Variants in ITIH2 observed in about 807,000 individuals in gnomAD.
The protein encoded by ITIH2 is inter-alpha-trypsin inhibitor heavy chain 2.
ITIH2 carries 103 observed loss-of-function variants against 104.4 expected under a neutral mutation model. The ratio of observed to expected loss-of-function variants is 0.99; its 90% confidence interval spans 0.84 to 1.16. The LOEUF is 1.16. ITIH2 is among the 50% of genes most tolerant of loss of function. The pLI is 0.00. For synonymous variants in ITIH2, 436 were observed against 435.4 expected, an observed-to-expected ratio of 1.00 and a Z score of -0.02; for missense variants, 1,108 against 1,162.4, an observed-to-expected ratio of 0.95 and a Z score of 0.68.
At chr10:7,747,743 A>C (rs1365583099) in intron 20 of ITIH2, among the ~76,000 whole-genome samples, 1 of 152,072 alleles carries the variant, frequency 6.6e-6, no homozygotes, top group Non-Finnish European at 1.5e-5. Context: ...AATAAATATA[A>C]AAATAATTAT....
At chr10:7,710,618 T>C (rs1370977834) in intron 4 of ITIH2, among the ~76,000 whole-genome samples, 1 of 152,178 alleles carries the variant, frequency 6.6e-6, no homozygotes, top group African/African-American at 2.4e-5. Context: ...TGTGGATAAA[T>C]AGTAAAGGGT....
In ITIH2 at chr10:7,703,522, A is replaced by T. The variant is rs1222745862; in HGVS notation, c.84+4A>T. 1.3e-6 allele frequency: 2 copies of T among 1,581,820 alleles called. No individual in the cohort carries two copies. The highest frequency in any genetic ancestry group is 2.2e-5 in the East Asian group (1 of 44,724). On this transcript the variant is annotated splice_donor_region_variant and intron_variant, in intron 1 of 20. Coordinates refer to ENST00000358415, the MANE Select transcript of ITIH2 (RefSeq NM_002216.3). ...CCCCATAAATGGACTTTCTGAAGTAAGTACTTACAGATCACTCCTTGCTGT... is the reference window on the plus strand; with the variant it reads ...CCCCATAAATGGACTTTCTGAAGTATGTACTTACAGATCACTCCTTGCTGT...
Position 7,739,880 on chromosome 10 carries a change from C to T in ITIH2, c.2095+1122C>T, listed in dbSNP as rs140878387. On this transcript the variant is annotated intron_variant, in intron 16 of 20. Coordinates refer to ENST00000358415, the MANE Select transcript of ITIH2 (RefSeq NM_002216.3). ...TTCCAGCCTGGGTGACAGAGGGAGACCCTGTTTCAAAAAATAAAGTAGGGA... is the reference window on the plus strand; with the variant it reads ...TTCCAGCCTGGGTGACAGAGGGAGATCCTGTTTCAAAAAATAAAGTAGGGA... Among the ~76,000 whole-genome samples, 46 of 152,050 alleles carry T rather than the reference C, an allele frequency of 3.0e-4. No homozygotes were observed. In the East Asian group the frequency reaches 4.7e-3, roughly 15 times the overall value.
intron 6 of ITIH2, among the ~76,000 whole-genome samples, chr10:7,718,644 C>T (rs1311868781): frequency 1.3e-5 from 2 of 152,082 alleles, no homozygotes. Context: ...GAGCATAGTA[C>T]CTGATAGGTA....
chr10:7,723,393 C>A, intron 8 of ITIH2, 58 bp from the exon 9 acceptor site: 1 of 1,126,364 alleles, frequency 8.9e-7, no homozygotes, highest in Non-Finnish European at 1.4e-6. Flanking sequence ...AGGTCCCCAT[C>A]TTCCTACCTT....
chr10:7,717,800 T>A lies in ITIH2; in HGVS notation c.630+12T>A, dbSNP rs41290281. The stretch of plus-strand genomic sequence containing the variant: ...CCAAACACTTAGAGGTAAGCCTGGA[T>A]CTGTAGGGTGGGCAGTGACACTGTC... On this transcript the variant is annotated intron_variant, in intron 6 of 20. Transcript: ENST00000358415. The A allele has an allele frequency of 5.0e-4, 797 of 1,599,724 alleles. No homozygotes were observed. The highest frequency in any genetic ancestry group is 1.6e-3 in the Middle Eastern group (7 of 4,456).
At chr10:7,735,674 C>CTTTTTTTT (rs35122608) in intron 15 of ITIH2, among the ~76,000 whole-genome samples, 2 of 130,560 alleles carry the variant, frequency 1.5e-5, no homozygotes, top group African/African-American at 5.9e-5. Context: ...CTTTTCTTTT[C>CTTTTTTTT]TTTTTTTTTT....
Position 7,716,507 on chromosome 10 carries a change from G to A in ITIH2, c.468-1119G>A, listed in dbSNP as rs375677094. Among the ~76,000 whole-genome samples the A allele has an allele frequency of 5.3e-4, 80 of 152,096 alleles. No individual in the cohort carries two copies. In the East Asian group the frequency reaches 9.9e-3, roughly 19 times the overall value. Reference sequence around the variant, plus strand: ...TCCCAGCACTTTCAGAAGTGGAGGCGGGTGGATCATCTGAGGTCAGGAGTT... The same window carrying A: ...TCCCAGCACTTTCAGAAGTGGAGGCAGGTGGATCATCTGAGGTCAGGAGTT... On this transcript the variant is annotated intron_variant, in intron 5 of 20. Transcript: ENST00000358415.
At chr10:7,719,608 T>C (rs1307478811) in intron 6 of ITIH2, among the ~76,000 whole-genome samples, 1 of 150,786 alleles carries the variant, frequency 6.6e-6, no homozygotes, top group Non-Finnish European at 1.5e-5. Flanking sequence ...AATAAATAAA[T>C]AAATTAGCCA....
At chr10:7,714,673 C>T (rs559259471) in intron 5 of ITIH2, among the ~76,000 whole-genome samples, 2 of 152,180 alleles carry the variant, frequency 1.3e-5, no homozygotes, top group Non-Finnish European at 2.9e-5. Flanking sequence ...CAGCCTCATG[C>T]AGGAGACAGA....
At position 7,721,786 on chromosome 10, in the gene ITIH2, A is replaced by G; in HGVS notation, c.867+9A>G. On this transcript the variant is annotated intron_variant, in intron 8 of 20. Transcript: ENST00000358415. ...AGGCTGGTGAACTGGAGGTGAGTGC[A>G]CACCGGCTCTGGTTCTACTGCCAAG... 1 of 1,613,556 alleles carries G rather than the reference A, an allele frequency of 6.2e-7. No individual in the cohort carries two copies. The highest frequency in any genetic ancestry group is 8.5e-7 in the Non-Finnish European group (1 of 1,179,692).
At chr10:7,747,798 C>CT (rs1322841075) in intron 20 of ITIH2, among the ~76,000 whole-genome samples, 2 of 152,162 alleles carry the variant, frequency 1.3e-5, no homozygotes, top group East Asian at 1.9e-4. Flanking sequence ...ACTCAGGAGG[C>CT]TGAGGTGGGA....
At chr10:7,713,400 C>A in intron 5 of ITIH2, 115 bp downstream of exon 5, 1 of 719,340 alleles carries the variant, frequency 1.4e-6, no homozygotes, top group Admixed American at 2.6e-5. Context: ...GAGCCAATGG[C>A]AACCTCCTCA....
rs148334161 is a variant in ITIH2 at position 7,706,906 on chromosome 10, C to T, written c.160-295C>T. ...GAGCAAATAGCATCAAGGGGATATA[C>T]GCTACCCAGGATGCATTTGGTTGAA... is the stretch of plus-strand genomic sequence containing the variant. On this transcript the variant is annotated intron_variant, in intron 2 of 20. Transcript: ENST00000358415. 1.5e-3 allele frequency among the ~76,000 whole-genome samples: 222 copies of T among 152,238 alleles called. 1 individual carries two copies. The highest frequency in any genetic ancestry group is 5.2e-3 in the African/African-American group (215 of 41,542).
Position 7,749,334 on chromosome 10 carries a change from A to C in ITIH2, c.2841A>C (p.Ter947TyrextTer27), listed in dbSNP as rs1266383857. ...TCTACAGCTTTCTCAAACGGCCTTA[A>C]AGGTTTATAGTTTGGGAAATTATAT... ...PQLYSFLKRP[*>Y] The change falls in exon 21 of 21, where the codon TAA (stop) becomes TAC (tyrosine). Residue 947 changes from the stop codon to tyrosine, a stop_lost. Coordinates refer to ENST00000358415, the MANE Select transcript of ITIH2 (RefSeq NM_002216.3). The C allele has an allele frequency of 6.2e-7, 1 of 1,613,438 alleles. No individual in the cohort carries two copies. The highest frequency in any genetic ancestry group is 8.5e-7 in the Non-Finnish European group (1 of 1,179,422).
chr10:7,711,034 C>T (rs1309550276), intron 4 of ITIH2, among the ~76,000 whole-genome samples: 2 of 151,768 alleles, frequency 1.3e-5, no homozygotes, highest in Non-Finnish European at 2.9e-5. Context: ...ATCCCATCAT[C>T]TAGGTTTTAA....
chr10:7,746,241 G>A (rs927075873), intron 19 of ITIH2, among the ~76,000 whole-genome samples: 1 of 151,318 alleles, frequency 6.6e-6, no homozygotes, highest in African/African-American at 2.4e-5. Context: ...CAGGCGTAGT[G>A]GCTCACGCCT....
intron 4 of ITIH2, among the ~76,000 whole-genome samples, chr10:7,712,452 C>A (rs975826389): frequency 6.6e-6 from 1 of 152,148 alleles, no homozygotes; most frequent in Non-Finnish European, 1.5e-5. Context: ...TACCCCACAG[C>A]GATGCCAAAT....
chr10:7,743,409 C>T, intron 17 of ITIH2, 150 bp downstream of exon 17: 1 of 537,892 alleles, frequency 1.9e-6, no homozygotes, highest in Non-Finnish European at 3.2e-6. Flanking sequence ...ATATTCTTAA[C>T]TATTTTGAAC....
Sources: gnomAD v4.1 joint callset for allele counts (sites outside exome capture counted in the v4.1 genomes callset) on GRCh38, gnomAD v4.1.1 for gene constraint, MANE v1.5 for transcripts, NCBI Gene and HGNC (gene_info 2026-07-23, HGNC 2026-07-21) for gene names.